The following CALM2 variants were observed in gnomAD, a reference collection of about 807,000 sequenced individuals.
The protein encoded by CALM2 is calmodulin 2.
A neutral mutation model predicts 19.8 loss-of-function variants in CALM2; 2 were observed. The observed-to-expected ratio is 0.10, with a 90% confidence interval of 0.04 to 0.32. CALM2 has a LOEUF of 0.32. CALM2 is among the 10% of genes least tolerant of loss of function. CALM2 has a pLI of 1.00. For missense variants in CALM2, 38 were observed against 178.7 expected, an observed-to-expected ratio of 0.21 and a Z score of 4.49; for synonymous variants, 51 against 52.1, an observed-to-expected ratio of 0.98 and a Z score of 0.09.
chr2:47,167,601 G>A (rs1399766521), intron 2 of CALM2: 1 of 149,568 alleles, frequency 6.7e-6, no homozygotes, highest in Non-Finnish European at 1.4e-5. Flanking sequence ...GACTGAGCCA[G>A]GAGAATTGCT....
At chr2:47,176,574 A>T (rs940900553), upstream of CALM2, 17 of 1,549,514 alleles carry the variant, frequency 1.1e-5, no homozygotes, top group Middle Eastern at 1.7e-4. Context: ...CCTCCGCCGC[A>T]TCCAGATAAC....
At chr2:47,176,304 TG>T in intron 1 of CALM2, 136 bp downstream of exon 1, 1 of 1,054,400 alleles carries the variant, frequency 9.5e-7, no homozygotes, top group Non-Finnish European at 1.4e-6. Context: ...CCGGCATCCC[TG>T]GCCTCTTTCG....
intron 1 of CALM2, chr2:47,174,327 C>G (rs1666774199): frequency 6.6e-6 from 1 of 152,110 alleles, no homozygotes; most frequent in African/African-American, 2.4e-5. Flanking sequence ...TCATAGCTCA[C>G]TACAGTCTCC....
At chr2:47,165,410 AC>A (rs775638699) in intron 2 of CALM2, among the ~76,000 whole-genome samples, 1 of 152,134 alleles carries the variant, frequency 6.6e-6, no homozygotes, top group African/African-American at 2.4e-5. Flanking sequence ...TCACCTGGTC[AC>A]CCCCCATAAA....
At chr2:47,168,675 C>A (rs907969096) in intron 2 of CALM2, among the ~76,000 whole-genome samples, 1 of 152,112 alleles carries the variant, frequency 6.6e-6, no homozygotes, top group African/African-American at 2.4e-5. Context: ...AGTTGAGCCA[C>A]TGCACTCCAG....
intron 2 of CALM2, chr2:47,167,809 C>CTTTTTTTTTTTTTTTTT (rs1400752450): frequency 1.6e-4 from 3 of 18,236 alleles, no homozygotes; most frequent in African/African-American, 2.7e-4. Flanking sequence ...ATTTTTTTTT[C>CTTTTTTTTTTTTTTTTT]TTTTCTTTGA....
At chr2:47,170,405 TGTTA>T (rs1666627398) in intron 2 of CALM2, among the ~76,000 whole-genome samples, 2 of 152,064 alleles carry the variant, frequency 1.3e-5, no homozygotes, top group Non-Finnish European at 2.9e-5. Flanking sequence ...TTTTCTAGCG[TGTTA>T]GCTAGCCCAG....
At chr2:47,176,241 G>A (rs1255122745) in intron 1 of CALM2, 200 bp downstream of exon 1, 11 of 610,266 alleles carry the variant, frequency 1.8e-5, no homozygotes, top group African/African-American at 1.5e-4. Flanking sequence ...CTCACTAGAG[G>A]AAGCCCCCCT....
chr2:47,162,020 G>A (rs928652203), intron 4 of CALM2, among the ~76,000 whole-genome samples, 162 bp from the exon 5 acceptor site: 3 of 151,980 alleles, frequency 2.0e-5, no homozygotes, highest in African/African-American at 7.2e-5. Context: ...TAAGAGCCAA[G>A]CAAAATGTCC....
chr2:47,168,012 A>G (rs1666544549), intron 2 of CALM2, among the ~76,000 whole-genome samples: 1 of 151,988 alleles, frequency 6.6e-6, no homozygotes. Context: ...TTTGGGAGGA[A>G]GGGACTTGGA....
rs773951686 is a variant in CALM2 at position 47,162,269 on chromosome 2, T to C, written c.285+17A>G. ...CATTTCATCCTCAAAATTTAACATA[T>C]CCAGTCCTTGACGTACCTTATCAAA... On this transcript the variant is annotated intron_variant, in intron 4 of 5. Transcript: ENST00000272298. 1.4e-6 allele frequency: 2 copies of C among 1,386,394 alleles called. No homozygotes were observed. Among genetic ancestry groups the C allele is most frequent in the South Asian group, 2.5e-5 (2 of 79,264 alleles). 85.9% of individuals were successfully genotyped at this position (1,386,394 alleles called of 1,614,324 possible). A position where few individuals can be genotyped will look rare whatever the true frequency, so the allele number is the denominator to read the frequency against.
At chr2:47,162,236 G>A in intron 4 of CALM2, 50 bp downstream of exon 4, 1 of 919,284 alleles carries the variant, frequency 1.1e-6, no homozygotes, top group Middle Eastern at 2.9e-4. Context: ...AATGAGTCCT[G>A]GTATCTTCAT....
intron 1 of CALM2, among the ~76,000 whole-genome samples, chr2:47,175,329 C>T (rs1055456037): frequency 5.3e-5 from 8 of 152,072 alleles, no homozygotes; most frequent in African/African-American, 9.7e-5. Flanking sequence ...AACATTAGGA[C>T]TGCACGCTGT....
chr2:47,161,673 T>C (rs1415022515), intron 5 of CALM2, 50 bp downstream of exon 5: 2 of 1,560,940 alleles, frequency 1.3e-6, no homozygotes, highest in Admixed American at 1.8e-5. Context: ...AAAGAGCCTC[T>C]TATCTTAAAA....
intron 2 of CALM2, among the ~76,000 whole-genome samples, chr2:47,167,016 C>G (rs990131676): frequency 6.6e-6 from 1 of 152,146 alleles, no homozygotes; most frequent in Non-Finnish European, 1.5e-5. Context: ...ATTAAAATAA[C>G]ATGTTTTAAA....
At chr2:47,173,627 T>C (rs1376917542) in intron 1 of CALM2, 2 of 152,184 alleles carry the variant, frequency 1.3e-5, no homozygotes, top group Non-Finnish European at 2.9e-5. Flanking sequence ...ATGAATACTG[T>C]TGGAGTTTAT....
In CALM2 at chr2:47,160,449, A is replaced by G; in HGVS notation, c.*327T>C. On this transcript the variant is annotated 3_prime_UTR_variant, in exon 6 of 6. Coordinates refer to ENST00000272298, the MANE Select transcript of CALM2 (RefSeq NM_001743.6). The stretch of plus-strand genomic sequence containing the variant: ...CACACTTCAACAACAACATGCTGAC[A>G]GTTCCTAAAGAAAACTACTTTAAAA... 1 of 209,446 alleles carries G rather than the reference A, an allele frequency of 4.8e-6. No individual in the cohort carries two copies. The highest frequency in any genetic ancestry group is 9.5e-6 in the Non-Finnish European group (1 of 105,632). The allele number at this position is 209,446 out of a possible 1,614,324, so 13.0% of individuals were successfully genotyped here.
intron 1 of CALM2, among the ~76,000 whole-genome samples, chr2:47,174,465 A>AT (rs1357522771): frequency 6.6e-6 from 1 of 152,148 alleles, no homozygotes; most frequent in Admixed American, 6.5e-5. Flanking sequence ...TCCTCTAATT[A>AT]TAAAGTTATG....
At chr2:47,176,861 A>G (rs748289309), upstream of CALM2, 13 of 985,394 alleles carry the variant, frequency 1.3e-5, no homozygotes, top group Non-Finnish European at 1.6e-5. Flanking sequence ...GCAATGCGTC[A>G]CTGGGACTCG....
Sources: gnomAD v4.1 joint callset for allele counts (sites outside exome capture counted in the v4.1 genomes callset) on GRCh38, gnomAD v4.1.1 for gene constraint, MANE v1.5 for transcripts, NCBI Gene and HGNC (gene_info 2026-07-23, HGNC 2026-07-21) for gene names.